The following CFAP90 variants were observed in gnomAD, a reference collection of about 807,000 sequenced individuals.
The protein encoded by CFAP90 is cilia- and flagella-associated protein 90.
chr5:7,845,097 C>T, the CFAP90 span, among the ~76,000 whole-genome samples: 1 of 152,160 alleles, frequency 6.6e-6, no homozygotes, highest in South Asian at 2.1e-4. Context: ...ACCTTCTTCA[C>T]CTGCTGGCAG....
chr5:7,834,709 CA>C, the CFAP90 span, among the ~76,000 whole-genome samples: 1 of 152,024 alleles, frequency 6.6e-6, no homozygotes, highest in African/African-American at 2.4e-5. Context: ...TGTTTAGATA[CA>C]AAAATACTTA....
the CFAP90 span, among the ~76,000 whole-genome samples, chr5:7,845,213 G>T: frequency 6.6e-6 from 1 of 152,268 alleles, no homozygotes; most frequent in African/African-American, 2.4e-5. Context: ...CTGCCCCCAT[G>T]ATCCAATCAC....
At chr5:7,831,803 G>A in the CFAP90 span, 1 of 1,560,206 alleles carries the variant, frequency 6.4e-7, no homozygotes, top group Non-Finnish European at 8.8e-7. Flanking sequence ...GTGCAAACTT[G>A]CCAGGCCACA....
the CFAP90 span, among the ~76,000 whole-genome samples, chr5:7,849,221 T>C: frequency 1.3e-5 from 2 of 152,174 alleles, no homozygotes; most frequent in Non-Finnish European, 2.9e-5. Context: ...CACGATTGCT[T>C]CTGTTGGTGA....
chr5:7,841,107 T>C, the CFAP90 span, among the ~76,000 whole-genome samples: 1 of 152,106 alleles, frequency 6.6e-6, no homozygotes, highest in Non-Finnish European at 1.5e-5. Context: ...GACAAAGGTC[T>C]AATATCCAGC....
the CFAP90 span, chr5:7,831,793 G>A: frequency 1.9e-6 from 3 of 1,539,388 alleles, no homozygotes; most frequent in East Asian, 4.6e-5. Flanking sequence ...CCTTCTCGCT[G>A]TGCAAACTTG....
the CFAP90 span, chr5:7,831,663 C>G: frequency 1.8e-6 from 1 of 556,486 alleles, no homozygotes; most frequent in Non-Finnish European, 3.2e-6. Flanking sequence ...GGTCAGGCTC[C>G]TAACCCAGCA....
the CFAP90 span, among the ~76,000 whole-genome samples, chr5:7,834,414 T>A: frequency 6.6e-6 from 1 of 152,148 alleles, no homozygotes; most frequent in Non-Finnish European, 1.5e-5. Context: ...TCATAAAAGT[T>A]TTTAAAATTA....
the CFAP90 span, among the ~76,000 whole-genome samples, chr5:7,835,226 T>A: frequency 1.3e-5 from 2 of 152,304 alleles, no homozygotes; most frequent in Non-Finnish European, 2.9e-5. Flanking sequence ...ATGGCACCAA[T>A]AGACTTACTT....
At chr5:7,842,256 T>C in the CFAP90 span, among the ~76,000 whole-genome samples, 12 of 151,476 alleles carry the variant, frequency 7.9e-5, no homozygotes, top group South Asian at 2.1e-3. Flanking sequence ...TTTCAGAGTA[T>C]TTAAAGCATT....
chr5:7,846,349 C>A, the CFAP90 span, among the ~76,000 whole-genome samples: 1 of 152,168 alleles, frequency 6.6e-6, no homozygotes, highest in African/African-American at 2.4e-5. Context: ...AATACCCATA[C>A]GCTGGGTGAT....
the CFAP90 span, among the ~76,000 whole-genome samples, chr5:7,839,968 T>C: frequency 6.6e-6 from 1 of 152,062 alleles, no homozygotes; most frequent in Admixed American, 6.5e-5. Flanking sequence ...ATTATTAATC[T>C]TTCTTTTTTT....
At chr5:7,849,174 A>G in the CFAP90 span, among the ~76,000 whole-genome samples, 4 of 152,312 alleles carry the variant, frequency 2.6e-5, no homozygotes, top group South Asian at 8.3e-4. Flanking sequence ...TTTCAAGGGG[A>G]CACAATTCAA....
the CFAP90 span, among the ~76,000 whole-genome samples, chr5:7,845,414 T>C: frequency 1.3e-5 from 2 of 152,120 alleles, no homozygotes; most frequent in African/African-American, 4.8e-5. Context: ...GTCCCCAACA[T>C]ACACAGAGAA....
At chr5:7,848,878 A>C in the CFAP90 span, among the ~76,000 whole-genome samples, 1 of 152,188 alleles carries the variant, frequency 6.6e-6, no homozygotes, top group Non-Finnish European at 1.5e-5. Context: ...CATGATTATA[A>C]GTTTCCTGAG....
the CFAP90 span, among the ~76,000 whole-genome samples, chr5:7,839,158 C>G: frequency 1.3e-5 from 2 of 151,924 alleles, no homozygotes; most frequent in Non-Finnish European, 2.9e-5. Flanking sequence ...CATTCACTAA[C>G]GCAGTAACAG....
the CFAP90 span, among the ~76,000 whole-genome samples, chr5:7,834,849 T>C: frequency 6.6e-6 from 1 of 152,136 alleles, no homozygotes; most frequent in Non-Finnish European, 1.5e-5. Flanking sequence ...TTGTGTTAAG[T>C]ACACTCTGAT....
chr5:7,834,885 G>A, the CFAP90 span, among the ~76,000 whole-genome samples: 1 of 152,066 alleles, frequency 6.6e-6, no homozygotes, highest in Admixed American at 6.6e-5. Context: ...AGATCACCTA[G>A]CAATGAATTT....
chr5:7,846,870 C>A, the CFAP90 span, among the ~76,000 whole-genome samples: 1 of 152,090 alleles, frequency 6.6e-6, no homozygotes, highest in Admixed American at 6.5e-5. Context: ...CCTCAGCCTC[C>A]CGAGTAGCTG....
Sources: allele counts gnomAD v4.1 joint callset (sites outside exome capture counted in the v4.1 genomes callset), GRCh38; gene constraint gnomAD v4.1.1; transcripts MANE v1.5; gene names NCBI Gene and HGNC (gene_info 2026-07-23, HGNC 2026-07-21).